The following CDH19 variants were observed in gnomAD, a reference collection of about 807,000 sequenced individuals.
The protein encoded by CDH19 is cadherin-19.
Under a neutral mutation model 64.2 loss-of-function variants are expected in CDH19, and 67 were observed. The ratio of observed to expected loss-of-function variants is 1.04; its 90% CI spans 0.86 to 1.28. The LOEUF (loss-of-function observed/expected upper bound fraction) is 1.28, where lower values mean the gene tolerates loss of function less well. Among genes scored for constraint, CDH19 ranks in the 50% most tolerant of loss-of-function variants. The pLI, the probability that CDH19 is intolerant of heterozygous loss-of-function variation, is 0.00. For missense variants in CDH19, 1,030 were observed against 929.0 expected, an observed-to-expected ratio of 1.11 and a Z score of -1.41; for synonymous variants, 346 against 319.3, an observed-to-expected ratio of 1.08 and a Z score of -0.89.
At chr18:66,556,671 T>C (rs1987532274) in intron 3 of CDH19, among the ~76,000 whole-genome samples, 1 of 151,888 alleles carries the variant, frequency 6.6e-6, no homozygotes, top group Non-Finnish European at 1.5e-5. Flanking sequence ...TTCCTCTATC[T>C]GATAAGGGAT....
At chr18:66,546,022 C>T (rs998746877) in intron 5 of CDH19, among the ~76,000 whole-genome samples, 4 of 151,446 alleles carry the variant, frequency 2.6e-5, no homozygotes, top group Admixed American at 2.6e-4. Context: ...TTATTATTTG[C>T]AATTGCATTT....
chr18:66,596,698 A>G (rs531588476), intron 1 of CDH19, among the ~76,000 whole-genome samples: 1 of 152,284 alleles, frequency 6.6e-6, no homozygotes, highest in African/African-American at 2.4e-5. Context: ...GGATTAATCA[A>G]TATTGTTAAA....
At chr18:66,521,951 G>GTTGTTGTTGTTC (rs1482497817) in intron 9 of CDH19, among the ~76,000 whole-genome samples, 1 of 150,656 alleles carries the variant, frequency 6.6e-6, no homozygotes, top group African/African-American at 2.4e-5. Context: ...TGTTGTTGTT[G>GTTGTTGTTGTTC]TTGTTGTTGT....
In CDH19 at chr18:66,539,175, G is replaced by T. The variant is rs552061420; in HGVS notation, c.1215-4068C>A. ...AACTCACATATTACTGGGCATTTTTGTGAATTTCCTGGAATTATCTAGGCA... is the reference window on the plus strand; with the variant it reads ...AACTCACATATTACTGGGCATTTTTTTGAATTTCCTGGAATTATCTAGGCA... On this transcript the variant is annotated intron_variant, in intron 7 of 11. Transcript: ENST00000262150. Among the ~76,000 whole-genome samples the T allele has an allele frequency of 2.6e-5, 4 of 152,152 alleles. No individual in the cohort carries two copies. In the East Asian group the frequency reaches 7.7e-4, roughly 29 times the overall value.
intron 7 of CDH19, among the ~76,000 whole-genome samples, chr18:66,540,696 C>A (rs1024074298): frequency 6.6e-6 from 1 of 151,964 alleles, no homozygotes; most frequent in Non-Finnish European, 1.5e-5. Flanking sequence ...TCACTTGATG[C>A]CTTATAAGAC....
chr18:66,524,569 T>TATATATAAAA (rs1276593665), intron 9 of CDH19, among the ~76,000 whole-genome samples: 9 of 135,158 alleles, frequency 6.7e-5, no homozygotes, highest in Admixed American at 3.0e-4. Context: ...TATATATATA[T>TATATATAAAA]AAACATCATC....
intron 5 of CDH19, among the ~76,000 whole-genome samples, chr18:66,547,737 GGCTCACT>G (rs2144501906): frequency 7.7e-6 from 1 of 129,286 alleles, no homozygotes; most frequent in East Asian, 2.2e-4. Flanking sequence ...GCGGGATCTC[GGCTCACT>G]GCAAGCTCCG....
chr18:66,543,801 T>G (rs1464916032), intron 7 of CDH19, among the ~76,000 whole-genome samples, 170 bp downstream of exon 7: 1 of 152,096 alleles, frequency 6.6e-6, no homozygotes, highest in East Asian at 1.9e-4. Context: ...AAGACTCGCT[T>G]GAACCTGGGA....
intron 3 of CDH19, among the ~76,000 whole-genome samples, chr18:66,560,875 T>C (rs890009760): frequency 1.3e-5 from 2 of 152,100 alleles, no homozygotes; most frequent in Non-Finnish European, 2.9e-5. Context: ...CTTACTCCAT[T>C]GGTGGATCAA....
intron 5 of CDH19, among the ~76,000 whole-genome samples, 176 bp from the exon 6 acceptor site, chr18:66,545,079 T>C (rs1389487605): frequency 1.3e-5 from 2 of 151,874 alleles, no homozygotes; most frequent in Non-Finnish European, 2.9e-5. Context: ...CCTGGGTTCA[T>C]GCCATTCTCC....
At chr18:66,539,473 TATA>T (rs1172516703) in intron 7 of CDH19, among the ~76,000 whole-genome samples, 1 of 152,112 alleles carries the variant, frequency 6.6e-6, no homozygotes, top group Non-Finnish European at 1.5e-5. Flanking sequence ...TGATAGTTTT[TATA>T]ATAAGTTAAT....
chr18:66,509,373 A>C, intron 10 of CDH19, 127 bp from the exon 11 acceptor site: 1 of 738,524 alleles, frequency 1.4e-6, no homozygotes, highest in Admixed American at 3.2e-5. Flanking sequence ...AGGAAGACGA[A>C]ATTTCTGACG....
intron 3 of CDH19, among the ~76,000 whole-genome samples, chr18:66,557,617 AG>A (rs1987565108): frequency 6.6e-6 from 1 of 151,992 alleles, no homozygotes; most frequent in Admixed American, 6.6e-5. Flanking sequence ...GCATTTTAAA[AG>A]AACCAAGGCT....
Position 66,534,983 on chromosome 18 carries a change from T to TAA in CDH19, c.1336+2_1336+3insTT. On this transcript the variant is annotated splice_region_variant and intron_variant, in intron 8 of 11. Coordinates refer to ENST00000262150, the MANE Select transcript of CDH19 (RefSeq NM_021153.4). Reference sequence around the variant, plus strand: ...CTGTATTGGATTTCAAATGAGTACTTACATTTTTCTGTGGCTGTAATACTT... The same window carrying TAA: ...CTGTATTGGATTTCAAATGAGTACTTAAACATTTTTCTGTGGCTGTAATACTT... The TAA allele has an allele frequency of 6.9e-7, 1 of 1,451,370 alleles. No individual in the cohort carries two copies. The highest frequency in any genetic ancestry group is 9.2e-7 in the Non-Finnish European group (1 of 1,082,558). The allele number at this position is 1,451,370 out of a possible 1,614,324, so 89.9% of individuals were successfully genotyped here.
chr18:66,520,342 T>TA (rs1491450161), intron 9 of CDH19, among the ~76,000 whole-genome samples: 11 of 39,674 alleles, frequency 2.8e-4, no homozygotes, highest in African/African-American at 1.5e-3. Flanking sequence ...AAAATAGCTG[T>TA]TTTTTTTTTT....
At position 66,514,682 on chromosome 18, in the gene CDH19, A is replaced by T. The variant is rs1175196627; in HGVS notation, c.1459-2997T>A. 3.3e-5 allele frequency among the ~76,000 whole-genome samples: 5 copies of T among 151,624 alleles called. No individual in the cohort carries two copies. The South Asian group carries it at 1.0e-3, about 31-fold the overall frequency. On this transcript the variant is annotated intron_variant, in intron 9 of 11. Coordinates refer to ENST00000262150, the MANE Select transcript of CDH19 (RefSeq NM_021153.4). The stretch of plus-strand genomic sequence containing the variant: ...TCACTATTTGACTTTAAAGATAATC[A>T]GGAGAATAAAGATAATCATTTGCCT...
At chr18:66,521,420 A>T (rs1985976867) in intron 9 of CDH19, among the ~76,000 whole-genome samples, 2 of 152,170 alleles carry the variant, frequency 1.3e-5, no homozygotes, top group African/African-American at 4.8e-5. Context: ...TTTCTTATCA[A>T]CCAGCAAATA....
At chr18:66,564,148 T>C (rs1987820141) in intron 3 of CDH19, among the ~76,000 whole-genome samples, 1 of 151,870 alleles carries the variant, frequency 6.6e-6, no homozygotes, top group South Asian at 2.1e-4. Context: ...TTAAGGTGAA[T>C]TTAATATTTC....
rs751332833 is a variant in CDH19, at chr18:66,529,891, G to A, written c.1412C>T (p.Ser471Phe). The change falls in exon 9 of 12, where the codon TCT becomes TTT. Residue 471 changes from serine (S) to phenylalanine (F), a missense_variant. Transcript: ENST00000262150. The stretch of plus-strand genomic sequence containing the variant: ...ACAAACATAAGTCTCATAGTATTGA[G>A]AGAACTCAGGAGCATGATCATTGAT... ...LNINDHAPEF[S>F]QYYETYVCEN... 5.0e-6 allele frequency: 8 copies of A among 1,592,930 alleles called. No homozygotes were observed. The highest frequency in any genetic ancestry group is 6.0e-6 in the Non-Finnish European group (7 of 1,165,566).
Sources: gnomAD v4.1 joint callset for allele counts (sites outside exome capture counted in the v4.1 genomes callset) on GRCh38, gnomAD v4.1.1 for gene constraint, MANE v1.5 for transcripts, NCBI Gene and HGNC (gene_info 2026-07-23, HGNC 2026-07-21) for gene names.